TRPC5OS: variants seen among roughly 807,000 people sequenced by gnomAD.
The protein encoded by TRPC5OS is putative uncharacterized protein TRPC5OS.
For missense variants in TRPC5OS, 64 were observed against 79.3 expected (o/e 0.81, Z 0.73); for synonymous variants, 30 against 29.3 (o/e 1.02, Z -0.08).
Position 111,902,032 on chromosome X carries a change from A to AGG in TRPC5OS, c.183_184insGG (p.Pro62GlyfsTer10). Reference sequence around the variant, plus strand: ...CACCTCTTCCCGAGGAGCCTTCGCTACCTGATCTCCCTGATCTCTCAGACT... The same window carrying AGG: ...CACCTCTTCCCGAGGAGCCTTCGCTAGGCCTGATCTCCCTGATCTCTCAGACT... On this transcript the variant is annotated frameshift_variant, in exon 4 of 4. Transcript: ENST00000635763. LOFTEE classifies it low-confidence loss of function (END_TRUNC). 2 of 1,155,972 alleles carry AGG rather than the reference A, an allele frequency of 1.7e-6. No homozygotes were observed. Among genetic ancestry groups the AGG allele is most frequent in the Non-Finnish European group, 2.3e-6 (2 of 872,787 alleles).
In TRPC5OS at chrX:111,903,867, A is replaced by G. The variant is rs1262913714; in HGVS notation, c.*1682A>G. ...GTGCCTATATAAATTCTTATGTGTG[A>G]TGATTACTGCTAGTTATTATCTTAT... On this transcript the variant is annotated 3_prime_UTR_variant, in exon 4 of 4. Transcript: ENST00000635763. 3 of 112,310 alleles carry G rather than the reference A, an allele frequency of 2.7e-5. No homozygotes were observed. Among genetic ancestry groups the G allele is most frequent in the African/African-American group, 9.7e-5 (3 of 30,919 alleles). 9.3% of individuals were successfully genotyped at this position (112,310 alleles called of 1,213,427 possible).
chrX:111,879,018 G>A (rs1268092745), intron 1 of TRPC5OS, among the ~76,000 whole-genome samples: 4 of 112,230 alleles, frequency 3.6e-5, no homozygotes, highest in Non-Finnish European at 7.5e-5. Flanking sequence ...GAATATCAAA[G>A]TTAAGCTAGA....
chrX:111,902,176 A>G lies in TRPC5OS; in HGVS notation c.327A>G (p.Thr109=), dbSNP rs1184467204. Reference sequence around the variant, plus strand: ...TCTCTGGTATAAATGATGACTTAACAGGTGACTAAGACCCAATTTCTGCCC... The same window carrying G: ...TCTCTGGTATAAATGATGACTTAACGGGTGACTAAGACCCAATTTCTGCCC... ...DTVSGINDDL[T]GD Residue 109 remains threonine, a synonymous_variant, in exon 4 of 4, where the codon ACA becomes ACG. Coordinates refer to ENST00000635763, the MANE Select transcript of TRPC5OS (RefSeq NM_001195578.2). 10 of 1,117,785 alleles carry G rather than the reference A, an allele frequency of 8.9e-6. No individual in the cohort carries two copies. The highest frequency in any genetic ancestry group is 1.2e-5 in the Non-Finnish European group (10 of 854,089). The allele number at this position is 1,117,785 out of a possible 1,213,427, so 92.1% of individuals were successfully genotyped here. A position where few individuals can be genotyped will look rare whatever the true frequency, so the allele number is the denominator to read the frequency against.
At chrX:111,876,690 A>G (rs1179618698) in intron 1 of TRPC5OS, among the ~76,000 whole-genome samples, 1 of 111,436 alleles carries the variant, frequency 9.0e-6, no homozygotes, top group Non-Finnish European at 1.9e-5. Context: ...CAAGGCTTTA[A>G]TGAGTCTCTA....
intron 1 of TRPC5OS, among the ~76,000 whole-genome samples, chrX:111,877,373 C>G (rs942446615): frequency 1.8e-5 from 2 of 111,675 alleles, no homozygotes; most frequent in Non-Finnish European, 3.8e-5. Flanking sequence ...GGGTTTGGAA[C>G]AGACACTGTT....
At chrX:111,900,318 T>A (rs998367639) in intron 3 of TRPC5OS, among the ~76,000 whole-genome samples, 3 of 111,405 alleles carry the variant, frequency 2.7e-5, no homozygotes, top group African/African-American at 6.5e-5. Context: ...TGACTGGGAC[T>A]GGAGAAAGGA....
At chrX:111,898,323 G>T (rs1206721416) in intron 3 of TRPC5OS, among the ~76,000 whole-genome samples, 1 of 104,249 alleles carries the variant, frequency 9.6e-6, no homozygotes, top group Non-Finnish European at 2.0e-5. Context: ...ATCTGACAAT[G>T]AACTTTATAT....
intron 1 of TRPC5OS, among the ~76,000 whole-genome samples, 179 bp from the exon 2 acceptor site, chrX:111,895,772 C>G (rs1925034207): frequency 9.0e-6 from 1 of 111,447 alleles, no homozygotes; most frequent in African/African-American, 3.3e-5. Flanking sequence ...CTGTAACTAG[C>G]CTTGATATCT....
At chrX:111,890,423 A>G (rs974598678) in intron 1 of TRPC5OS, among the ~76,000 whole-genome samples, 1 of 112,118 alleles carries the variant, frequency 8.9e-6, no homozygotes, top group Non-Finnish European at 1.9e-5. Context: ...AAGCCAAAAA[A>G]CTGGATACCC....
chrX:111,893,065 A>C lies in TRPC5OS; in HGVS notation c.-545-2886A>C, dbSNP rs538892060. Among the ~76,000 whole-genome samples, 54 of 107,838 alleles carry C rather than the reference A, an allele frequency of 5.0e-4. No individual in the cohort carries two copies. The South Asian group carries it at 0.02, about 41-fold the overall frequency. 93.6% of individuals were successfully genotyped at this position (107,838 alleles called of 115,157 possible). On this transcript the variant is annotated intron_variant, in intron 1 of 3. Transcript: ENST00000635763. ...TCTAGTTAGTAAGTGGTGAAGTTGA[A>C]ATTCAAATATAGGGTTTTTTTTTTT...
At chrX:111,899,477 G>A (rs1392535308) in intron 3 of TRPC5OS, among the ~76,000 whole-genome samples, 3 of 111,280 alleles carry the variant, frequency 2.7e-5, no homozygotes, top group Non-Finnish European at 5.7e-5. Context: ...GAGAGGGTGT[G>A]AAATAGAATG....
Position 111,903,020 on chromosome X carries a change from G to A in TRPC5OS, c.*835G>A, listed in dbSNP as rs1218924709. ...TATTGGACTAAATATCTATGGACTA[G>A]ATATAGTCCTTAGGCATCAAAGCAG... On this transcript the variant is annotated 3_prime_UTR_variant, in exon 4 of 4. Coordinates refer to ENST00000635763, the MANE Select transcript of TRPC5OS (RefSeq NM_001195578.2). The A allele has an allele frequency of 8.9e-6, 1 of 112,026 alleles. No homozygotes were observed. Among genetic ancestry groups the A allele is most frequent in the Non-Finnish European group, 1.9e-5 (1 of 53,165 alleles). The allele number at this position is 112,026 out of a possible 1,213,427, so 9.2% of individuals were successfully genotyped here.
intron 1 of TRPC5OS, among the ~76,000 whole-genome samples, chrX:111,891,407 A>G (rs996587702): frequency 3.6e-5 from 4 of 112,178 alleles, no homozygotes; most frequent in African/African-American, 1.3e-4. Context: ...ATAGGAGCCA[A>G]GAAATCAGGT....
chrX:111,901,803 G>T lies in TRPC5OS; in HGVS notation c.-47G>T, dbSNP rs1925359240. On this transcript the variant is annotated 5_prime_UTR_variant, in exon 4 of 4. Transcript: ENST00000635763. ...ATCCATTGTCACCAAGAGTCCATTTGCTAGAGCTTTTAGTGATATTTTATC... is the reference window on the plus strand; with the variant it reads ...ATCCATTGTCACCAAGAGTCCATTTTCTAGAGCTTTTAGTGATATTTTATC... 2.0e-6 allele frequency: 2 copies of T among 1,003,605 alleles called. No homozygotes were observed. The highest frequency in any genetic ancestry group is 1.9e-5 in the African/African-American group (1 of 52,041). 82.7% of individuals were successfully genotyped at this position (1,003,605 alleles called of 1,213,427 possible).
chrX:111,888,693 CAAAAAAAAAAAAA>C (rs753735549), intron 1 of TRPC5OS, among the ~76,000 whole-genome samples: 4 of 10,985 alleles, frequency 3.6e-4, no homozygotes, highest in African/African-American at 8.9e-4. Flanking sequence ...GACTCTATCT[CAAAAAAAAAAAAA>C]AAAAAAAAAA....
intron 1 of TRPC5OS, among the ~76,000 whole-genome samples, chrX:111,892,750 A>G (rs748767475): frequency 1.8e-5 from 2 of 111,877 alleles, no homozygotes; most frequent in Admixed American, 9.5e-5. Context: ...GGTTCTAACT[A>G]TGAGATGAAT....
intron 1 of TRPC5OS, among the ~76,000 whole-genome samples, chrX:111,891,716 A>G (rs1336733534): frequency 9.1e-6 from 1 of 109,574 alleles, no homozygotes; most frequent in African/African-American, 3.3e-5. Flanking sequence ...AATTTTTTGT[A>G]GTTTTGTAGT....
intron 1 of TRPC5OS, among the ~76,000 whole-genome samples, chrX:111,884,133 C>T: frequency 8.9e-6 from 1 of 112,582 alleles, no homozygotes; most frequent in Non-Finnish European, 1.9e-5. Flanking sequence ...CCAGGGCTTA[C>T]ATTTATTTAA....
At chrX:111,887,521 T>C (rs918441755) in intron 1 of TRPC5OS, among the ~76,000 whole-genome samples, 3 of 111,991 alleles carry the variant, frequency 2.7e-5, no homozygotes, top group Non-Finnish European at 5.6e-5. Flanking sequence ...TATTGGAGGC[T>C]ACAGAAAAAG....
Sources: gnomAD v4.1 joint callset for allele counts (sites outside exome capture counted in the v4.1 genomes callset) on GRCh38, gnomAD v4.1.1 for gene constraint, MANE v1.5 for transcripts, NCBI Gene and HGNC (gene_info 2026-07-23, HGNC 2026-07-21) for gene names.